The following NCOR2 variants were observed in gnomAD, a reference collection of about 807,000 sequenced individuals.
NCOR2 encodes nuclear receptor corepressor 2.
Under a neutral mutation model 262.9 loss-of-function variants are expected in NCOR2, and 81 were observed. The ratio of observed to expected loss-of-function variants is 0.31; its 90% CI spans 0.26 to 0.37. NCOR2 has a LOEUF of 0.37. Ranked by LOEUF, NCOR2 falls within the 10% of genes least tolerant of loss-of-function variation. The pLI, the probability that NCOR2 is intolerant of heterozygous loss-of-function variation, is 1.00. For synonymous variants in NCOR2, 1,659 were observed against 1,559.3 expected (o/e 1.06, Z -1.51); for missense variants, 3,385 against 3,621.4 (o/e 0.93, Z 1.68).
rs1277534481 is a variant in NCOR2 at position 124,504,501 on chromosome 12, T to C, written c.-117-9133A>G. ...ACAGTCACTAGGTTAAACCCAGAAT[T>C]ACCCCATGACCCAGCGATGCCACTC... On this transcript the variant is annotated intron_variant, in intron 1 of 46. Coordinates refer to the NCOR2 transcript ENST00000404621. This position sits in a 1 kb window ranked among gnomAD's most constrained non-coding sequence, Gnocchi z 4.5. Among the ~76,000 whole-genome samples, 1 of 152,022 alleles carries C rather than the reference T, an allele frequency of 6.6e-6. No homozygotes were observed. The highest frequency in any genetic ancestry group is 2.4e-5 in the African/African-American group (1 of 41,370).
chr12:124,328,576 A>AC (rs1461159459), intron 44 of NCOR2: 1 of 151,774 alleles, frequency 6.6e-6, no homozygotes, highest in African/African-American at 2.4e-5. Flanking sequence ...GCCTTTGCAC[A>AC]CCCCCCAGAG....
rs866967509 is a variant in NCOR2 at position 124,457,939 on chromosome 12, G to A, written c.706-777C>T. ...AGCCGGGTACAGGGAGGTGGGGGGC[G>A]GAGGGGCTCCTGAAGGTGGCTTCAT... On this transcript the variant is annotated intron_variant, in intron 5 of 46. Coordinates refer to ENST00000405201, the Ensembl canonical transcript of NCOR2. The surrounding 1 kb of genome is among the most constrained non-coding windows in gnomAD (Gnocchi z 4.0). Among the ~76,000 whole-genome samples, 39 of 152,216 alleles carry A rather than the reference G, an allele frequency of 2.6e-4. No individual in the cohort carries two copies. The highest frequency in any genetic ancestry group is 7.2e-4 in the African/African-American group (30 of 41,460).
Position 124,433,881 on chromosome 12 carries a change from C to A in NCOR2, c.883-3094G>T, listed in dbSNP as rs370380058. Among the ~76,000 whole-genome samples, 186 of 68,242 alleles carry A rather than the reference C, an allele frequency of 2.7e-3. 1 individual carries two copies. Among genetic ancestry groups the A allele is most frequent in the Middle Eastern group, 0.021 (3 of 144 alleles). The allele number at this position is 68,242 out of a possible 152,430, so 44.8% of individuals were successfully genotyped here. A position where few individuals can be genotyped will look rare whatever the true frequency, so the allele number is the denominator to read the frequency against. On this transcript the variant is annotated intron_variant, in intron 8 of 46. Transcript: ENST00000405201. ...ACACACACACACACACACACACACA[C>A]ACACACACACACACACACGCACACA...
chr12:124,361,587 C>T (rs1447709592), intron 22 of NCOR2, among the ~76,000 whole-genome samples: 3 of 152,244 alleles, frequency 2.0e-5, no homozygotes, highest in Admixed American at 2.0e-4. Context: ...TCCTGGTGAA[C>T]CCAGAGACCT....
chr12:124,327,421 G>C, exon 45 of NCOR2: 1 of 1,610,760 alleles, frequency 6.2e-7, no homozygotes, highest in South Asian at 1.1e-5. Context: ...GGCGAGGTGA[G>C]TGTGTGGTCA....
intron 13 of NCOR2, among the ~76,000 whole-genome samples, chr12:124,414,693 G>A (rs2042764579): frequency 6.6e-6 from 1 of 152,246 alleles, no homozygotes. Context: ...TCGGGGAAGA[G>A]GCAGACAGCA....
In NCOR2 at chr12:124,333,904, A is replaced by ATGTGTGTGGGTGTGCACGTGTG. The variant is rs1491158125; in HGVS notation, c.6605+519_6605+520insCACACGTGCACACCCACACACA. 7.6e-4 allele frequency among the ~76,000 whole-genome samples: 38 copies of ATGTGTGTGGGTGTGCACGTGTG among 50,216 alleles called. 1 individual carries two copies. In the Middle Eastern group the frequency reaches 0.083, roughly 110 times the overall value. The allele number at this position is 50,216 out of a possible 152,430, so 32.9% of individuals were successfully genotyped here. On this transcript the variant is annotated intron_variant, in intron 41 of 46. Transcript: ENST00000405201. ...GGTGTGCATGTGTGTGTGCGCGCGCATGTGTGCGGGTGTGCATGTGTGTGC... is the reference window on the plus strand; with the variant it reads ...GGTGTGCATGTGTGTGTGCGCGCGCATGTGTGTGGGTGTGCACGTGTGTGTGTGCGGGTGTGCATGTGTGTGC...
chr12:124,450,964 G>A (rs1430845983), intron 6 of NCOR2, among the ~76,000 whole-genome samples: 1 of 152,240 alleles, frequency 6.6e-6, no homozygotes, highest in Admixed American at 6.5e-5. Flanking sequence ...AGTGCCCAGA[G>A]GTGCCAGTCA....
intron 13 of NCOR2, among the ~76,000 whole-genome samples, chr12:124,403,140 G>A (rs2042071698): frequency 1.3e-5 from 2 of 152,144 alleles, no homozygotes; most frequent in African/African-American, 4.8e-5. Flanking sequence ...CAGAGCTCAG[G>A]CCACCTCTCT....
At chr12:124,544,938 C>T (rs2051493471) in intron 1 of NCOR2, among the ~76,000 whole-genome samples, 1 of 152,184 alleles carries the variant, frequency 6.6e-6, no homozygotes. Context: ...CAGGCTGGCT[C>T]CCGCTCCAGC....
At chr12:124,365,714 A>C (rs1593232659) in intron 20 of NCOR2, among the ~76,000 whole-genome samples, 27 of 113,278 alleles carry the variant, frequency 2.4e-4, no homozygotes, top group South Asian at 3.1e-4. Context: ...CCGCCAGCCC[A>C]CTCTCCTCCC....
chr12:124,338,259 G>A (rs1265153465), intron 37 of NCOR2, among the ~76,000 whole-genome samples: 3 of 152,122 alleles, frequency 2.0e-5, no homozygotes, highest in Non-Finnish European at 2.9e-5. Context: ...TGTAATCCCG[G>A]CACTTTGGGA....
At chr12:124,467,761 AC>A (rs772717614) in intron 4 of NCOR2, among the ~76,000 whole-genome samples, 11 of 34,814 alleles carry the variant, frequency 3.2e-4, no homozygotes, top group Non-Finnish European at 5.9e-4. Flanking sequence ...CATCTTCATC[AC>A]CCCCATCACC....
intron 1 of NCOR2, among the ~76,000 whole-genome samples, chr12:124,486,863 G>C (rs2047791976): frequency 6.6e-6 from 1 of 152,206 alleles, no homozygotes; most frequent in Admixed American, 6.5e-5. Flanking sequence ...CCAAGCCTGG[G>C]AGGTCTGATG....
chr12:124,417,509 G>A (rs901592068), intron 13 of NCOR2, among the ~76,000 whole-genome samples: 8 of 152,172 alleles, frequency 5.3e-5, no homozygotes, highest in African/African-American at 1.7e-4. Context: ...CCCACCACAA[G>A]CCCAGCCTCA....
At chr12:124,494,756 G>A (rs572398261) in intron 1 of NCOR2, among the ~76,000 whole-genome samples, 171 of 152,166 alleles carry the variant, frequency 1.1e-3, no homozygotes, top group Non-Finnish European at 2.0e-3. Context: ...TGACCTATCC[G>A]GCCCCCTTGC....
chr12:124,367,164 C>T (rs575468231), intron 20 of NCOR2, among the ~76,000 whole-genome samples: 2 of 152,262 alleles, frequency 1.3e-5, no homozygotes, highest in South Asian at 4.1e-4. Context: ...CTCCCTGTGC[C>T]TTGGTTTCCC....
chr12:124,526,327 C>T (rs2050466325), intron 1 of NCOR2, among the ~76,000 whole-genome samples: 2 of 152,214 alleles, frequency 1.3e-5, no homozygotes. Flanking sequence ...CCACTCCCAT[C>T]CAAGCCACGG....
At chr12:124,451,128 T>C (rs1485868228) in intron 6 of NCOR2, among the ~76,000 whole-genome samples, 1 of 152,278 alleles carries the variant, frequency 6.6e-6, no homozygotes, top group East Asian at 1.9e-4. Context: ...CTGCTGTTTC[T>C]GTCAAGAGAA....
Sources: allele counts gnomAD v4.1 joint callset (sites outside exome capture counted in the v4.1 genomes callset), GRCh38; gene constraint gnomAD v4.1.1; non-coding constraint Gnocchi (gnomAD v3.1); transcripts MANE v1.5; gene names NCBI Gene and HGNC (gene_info 2026-07-23, HGNC 2026-07-21).